The following RTTN variants were observed in gnomAD, a reference collection of about 807,000 sequenced individuals.
The protein encoded by RTTN is rotatin.
In RTTN, 182 loss-of-function variants were observed where a neutral mutation model predicts 269.2. That is an observed-to-expected ratio of 0.68 (90% CI 0.60 to 0.76). The LOEUF is 0.76. Among genes scored for constraint, RTTN ranks in the 30% least tolerant of loss-of-function variants. RTTN has a pLI of 0.00. For synonymous variants in RTTN, 1,006 were observed against 963.5 expected (o/e 1.04, Z -0.82); for missense variants, 2,545 against 2,608.6 (o/e 0.98, Z 0.53).
At chr18:70,062,561 A>G (rs1402297675) in intron 35 of RTTN, among the ~76,000 whole-genome samples, 1 of 151,446 alleles carries the variant, frequency 6.6e-6, no homozygotes, top group Admixed American at 6.6e-5. Context: ...TCACTTGACA[A>G]TATTTCCTAA....
intron 34 of RTTN, among the ~76,000 whole-genome samples, chr18:70,071,693 C>T (rs1433037826): frequency 6.6e-6 from 1 of 152,166 alleles, no homozygotes; most frequent in African/African-American, 2.4e-5. Flanking sequence ...CAGGACCCAA[C>T]AATCCTTACG....
At chr18:70,139,987 T>G (rs1599737950) in intron 20 of RTTN, 113 bp downstream of exon 20, 1 of 737,470 alleles carries the variant, frequency 1.4e-6, no homozygotes, top group South Asian at 1.6e-5. Flanking sequence ...AGATAGGAGG[T>G]GTTACTTAGA....
Position 70,114,539 on chromosome 18 carries a change from CT to C in RTTN, c.3588del (p.Asp1197MetfsTer15). Reference sequence around the variant, plus strand: ...TGCCTGACAGCAGTCCGGATATCATCTGTTTCTTCTCGTGCCTGTGACTCTG... The same window carrying C: ...TGCCTGACAGCAGTCCGGATATCATCGTTTCTTCTCGTGCCTGTGACTCTG... ...VLTESQAREE[T>X]DDIRTAVRQQ... On this transcript the variant is annotated frameshift_variant, in exon 27 of 49. Transcript: ENST00000640769. LOFTEE classifies it high-confidence loss of function. The C allele has an allele frequency of 6.2e-7, 1 of 1,613,714 alleles. No individual in the cohort carries two copies. The highest frequency in any genetic ancestry group is 8.5e-7 in the Non-Finnish European group (1 of 1,179,666).
At position 70,166,044 on chromosome 18, in the gene RTTN, G is replaced by GA. The variant is rs751409183; in HGVS notation, c.1929+17dup. On this transcript the variant is annotated intron_variant, in intron 14 of 48. Coordinates refer to ENST00000640769, the MANE Select transcript of RTTN (RefSeq NM_173630.4). ...ATTTGTTCTCAAAAACAAAACATAC[G>GA]AAAAAACAAAACCTCACCTTCGTGA... 1.2e-6 allele frequency: 2 copies of GA among 1,611,892 alleles called. No individual in the cohort carries two copies. Among genetic ancestry groups the GA allele is most frequent in the Admixed American group, 3.3e-5 (2 of 59,872 alleles).
chr18:70,088,020 T>A lies in RTTN; in HGVS notation c.4271A>T (p.Asp1424Val). 6.2e-7 allele frequency: 1 copy of A among 1,613,772 alleles called. No homozygotes were observed. Among genetic ancestry groups the A allele is most frequent in the Non-Finnish European group, 8.5e-7 (1 of 1,179,812 alleles). ...LWGTVVNILL[D>V]QSECSMVRRE... is the part of the protein sequence containing the mutation. ...GCGCACCATACTACATTCTGACTGG[T>A]CCAGAAGAATGTTCACCACAGTTCC... The change falls in exon 31 of 49, where the codon GAC (aspartate) becomes GTC (valine). Residue 1424 changes from aspartate (D) to valine (V), a missense_variant. Coordinates refer to ENST00000640769, the MANE Select transcript of RTTN (RefSeq NM_173630.4).
chr18:70,005,414 C>T (rs1303106740), intron 47 of RTTN, 147 bp from the exon 48 acceptor site: 2 of 514,436 alleles, frequency 3.9e-6, no homozygotes, highest in African/African-American at 2.0e-5. Flanking sequence ...TAGCATAATA[C>T]ATCCTATTGA....
At chr18:70,092,917 G>A (rs1441164733) in intron 28 of RTTN, 113 bp from the exon 29 acceptor site, 7 of 914,172 alleles carry the variant, frequency 7.7e-6, no homozygotes, top group African/African-American at 1.7e-5. Context: ...TTATAAAGTT[G>A]TAATATTTTT....
intron 18 of RTTN, among the ~76,000 whole-genome samples, chr18:70,143,465 G>A (rs2060311448): frequency 6.6e-6 from 1 of 152,104 alleles, no homozygotes; most frequent in African/African-American, 2.4e-5. Flanking sequence ...TGAAGCCGGA[G>A]GCCATTATCC....
At chr18:70,050,078 G>T (rs147091158) in intron 39 of RTTN, among the ~76,000 whole-genome samples, 14 of 152,120 alleles carry the variant, frequency 9.2e-5, no homozygotes, top group African/African-American at 2.9e-4. Flanking sequence ...CTGACAAATG[G>T]GATCTAAACT....
At chr18:70,132,266 G>A (rs73466790) in intron 23 of RTTN, among the ~76,000 whole-genome samples, 11 of 151,954 alleles carry the variant, frequency 7.2e-5, no homozygotes, top group African/African-American at 2.7e-4. Flanking sequence ...GTAGACACAG[G>A]GAAGATCTGA....
At position 70,048,000 on chromosome 18, in the gene RTTN, G is replaced by C; in HGVS notation, c.5512C>G (p.Leu1838Val). The C allele has an allele frequency of 6.2e-7, 1 of 1,614,000 alleles. No individual in the cohort carries two copies. The highest frequency in any genetic ancestry group is 1.1e-5 in the South Asian group (1 of 91,076). ...AGGATTACATCACTAAGTTGTTCTA[G>C]AGATTTCTGATTTTCCTGAGAGTCA... ...LDDSQENQKSLEQLSDVILQC... is the reference protein window; with the variant it reads ...LDDSQENQKSVEQLSDVILQC... The change falls in exon 40 of 49, where the codon CTA becomes GTA. Residue 1838 changes from leucine to valine, a missense_variant. Leu to Val is a conservative substitution (Grantham distance 32, BLOSUM62 1). Transcript: ENST00000640769.
intron 21 of RTTN, among the ~76,000 whole-genome samples, chr18:70,137,055 T>C (rs1406427978): frequency 2.0e-5 from 3 of 152,132 alleles, no homozygotes; most frequent in African/African-American, 7.2e-5. Flanking sequence ...CGGAAAAATA[T>C]ATTCCTAATG....
intron 10 of RTTN, among the ~76,000 whole-genome samples, chr18:70,187,762 C>T (rs1008932250): frequency 6.6e-6 from 1 of 152,020 alleles, no homozygotes; most frequent in Non-Finnish European, 1.5e-5. Context: ...TCTACAAGCG[C>T]AAGGATAAGA....
intron 30 of RTTN, among the ~76,000 whole-genome samples, chr18:70,091,381 G>T (rs1019070509): frequency 6.6e-6 from 1 of 151,930 alleles, no homozygotes; most frequent in Non-Finnish European, 1.5e-5. Context: ...AGATCATAAG[G>T]GAGTGGTCCT....
intron 17 of RTTN, among the ~76,000 whole-genome samples, chr18:70,146,639 C>T (rs1305113434): frequency 6.6e-6 from 1 of 152,104 alleles, no homozygotes; most frequent in African/African-American, 2.4e-5. Context: ...CCACCTTGAG[C>T]CCCTGTATCA....
chr18:70,083,479 G>A (rs1406768797), intron 32 of RTTN, among the ~76,000 whole-genome samples: 2 of 151,740 alleles, frequency 1.3e-5, no homozygotes, highest in Admixed American at 1.3e-4. Context: ...ATTCTACACA[G>A]GAAGATTAAG....
At chr18:70,140,911 GA>G (rs1452223378) in intron 19 of RTTN, among the ~76,000 whole-genome samples, 1 of 151,856 alleles carries the variant, frequency 6.6e-6, no homozygotes, top group Admixed American at 6.6e-5. Flanking sequence ...TTCTCATTAG[GA>G]AAAACACATA....
At chr18:70,135,533 A>C (rs1412710075) in intron 21 of RTTN, among the ~76,000 whole-genome samples, 1 of 152,132 alleles carries the variant, frequency 6.6e-6, no homozygotes, top group East Asian at 1.9e-4. Context: ...TTCTCAGAGG[A>C]TGCAGATGCT....
chr18:70,032,721 G>C (rs1320308482), intron 40 of RTTN, among the ~76,000 whole-genome samples: 2 of 152,016 alleles, frequency 1.3e-5, no homozygotes, highest in Admixed American at 1.3e-4. Context: ...ACTCCCATAG[G>C]GTAACGTGGG....
Sources: allele counts gnomAD v4.1 joint callset (sites outside exome capture counted in the v4.1 genomes callset), GRCh38; gene constraint gnomAD v4.1.1; transcripts MANE v1.5; gene names NCBI Gene and HGNC (gene_info 2026-07-23, HGNC 2026-07-21).